Variants in ATE1 observed in about 807,000 individuals in gnomAD.
ATE1 encodes the protein arginyltransferase 1.
A neutral mutation model predicts 70.5 loss-of-function variants in ATE1; 36 were observed. The ratio of observed to expected loss-of-function variants is 0.51; its 90% CI spans 0.39 to 0.67. The LOEUF is 0.67. ATE1 is among the 30% of genes least tolerant of loss of function. The probability of loss-of-function intolerance (pLI) is 0.00; values close to 1 mark genes in which losing one functional copy is unlikely to be tolerated. For synonymous variants in ATE1, 232 were observed against 219.3 expected, an observed-to-expected ratio of 1.06 and a Z score of -0.51; for missense variants, 593 against 629.5, an observed-to-expected ratio of 0.94 and a Z score of 0.62.
At chr10:121,745,671 G>C (rs1944336899) in intron 11 of ATE1, among the ~76,000 whole-genome samples, 1 of 152,298 alleles carries the variant, frequency 6.6e-6, no homozygotes, top group East Asian at 1.9e-4. Context: ...AGTTTGCAGT[G>C]AGCCGAGATG....
At chr10:121,920,598 A>AG (rs1221813051) in intron 3 of ATE1, among the ~76,000 whole-genome samples, 1 of 152,164 alleles carries the variant, frequency 6.6e-6, no homozygotes, top group African/African-American at 2.4e-5. Flanking sequence ...TTTCTATGTT[A>AG]GGGTGAGGTG....
At chr10:121,765,725 G>T (rs1019587661) in intron 11 of ATE1, among the ~76,000 whole-genome samples, 1 of 152,184 alleles carries the variant, frequency 6.6e-6, no homozygotes, top group African/African-American at 2.4e-5. Flanking sequence ...AAATTAGACA[G>T]AATGACACTC....
At chr10:121,873,873 A>G (rs534453407) in intron 7 of ATE1, among the ~76,000 whole-genome samples, 92 of 152,274 alleles carry the variant, frequency 6.0e-4, no homozygotes, top group African/African-American at 2.1e-3. Context: ...CATTTTTTAC[A>G]AAGATAAATA....
chr10:121,798,594 T>A (rs1432616933), intron 10 of ATE1, among the ~76,000 whole-genome samples: 1 of 152,178 alleles, frequency 6.6e-6, no homozygotes, highest in African/African-American at 2.4e-5. Context: ...AATCTCACAA[T>A]AACTTTAAAA....
intron 7 of ATE1, among the ~76,000 whole-genome samples, chr10:121,897,224 C>G (rs777152665): frequency 3.3e-5 from 5 of 152,146 alleles, no homozygotes; most frequent in Non-Finnish European, 7.3e-5. Context: ...TCCCAGAGGC[C>G]TGAAGCCTAC....
intron 11 of ATE1, among the ~76,000 whole-genome samples, chr10:121,778,316 AC>A: frequency 6.6e-6 from 1 of 152,368 alleles, no homozygotes; most frequent in South Asian, 2.1e-4. Context: ...TAACAAAAAA[AC>A]AATGGAGTGC....
At chr10:121,807,983 C>T (rs950945152) in intron 10 of ATE1, among the ~76,000 whole-genome samples, 1 of 151,928 alleles carries the variant, frequency 6.6e-6, no homozygotes, top group African/African-American at 2.4e-5. Flanking sequence ...AAAAGTTTGC[C>T]GACTCTTACT....
At chr10:121,821,020 C>T (rs1421819610) in intron 10 of ATE1, among the ~76,000 whole-genome samples, 1 of 152,208 alleles carries the variant, frequency 6.6e-6, no homozygotes, top group African/African-American at 2.4e-5. Context: ...CGGCTCACTG[C>T]AACCTCCACC....
chr10:121,902,061 T>C (rs1188495038), intron 6 of ATE1, among the ~76,000 whole-genome samples: 2 of 152,180 alleles, frequency 1.3e-5, no homozygotes, highest in Non-Finnish European at 2.9e-5. Flanking sequence ...AAACCAAAAC[T>C]GCTAAAAACA....
intron 7 of ATE1, among the ~76,000 whole-genome samples, chr10:121,891,385 T>C (rs966406726): frequency 2.6e-5 from 4 of 152,118 alleles, no homozygotes; most frequent in Non-Finnish European, 4.4e-5. Context: ...TGCCGGCACA[T>C]GGTGGCGACA....
chr10:121,741,371 A>G lies in ATE1; in HGVS notation c.*2309T>C, dbSNP rs1480639391. ...ATGAATACAGCAGCCAAGTAGAAGGATCTCCAATGCTCAAGTCACTCTGAG... is the reference window on the plus strand; with the variant it reads ...ATGAATACAGCAGCCAAGTAGAAGGGTCTCCAATGCTCAAGTCACTCTGAG... On this transcript the variant is annotated 3_prime_UTR_variant, in exon 12 of 12. Coordinates refer to ENST00000224652, the MANE Select transcript of ATE1 (RefSeq NM_001001976.3). The G allele has an allele frequency of 6.6e-6, 1 of 152,210 alleles. No homozygotes were observed. The highest frequency in any genetic ancestry group is 1.9e-4 in the East Asian group (1 of 5,198). 9.4% of individuals were successfully genotyped at this position (152,210 alleles called of 1,614,324 possible).
chr10:121,836,080 C>A (rs1948421718), intron 10 of ATE1, among the ~76,000 whole-genome samples: 2 of 152,152 alleles, frequency 1.3e-5, no homozygotes, highest in Admixed American at 6.6e-5. Flanking sequence ...TCAGCACTTG[C>A]CCTTCCAAAT....
At chr10:121,766,658 G>T (rs1945290811) in intron 11 of ATE1, among the ~76,000 whole-genome samples, 1 of 151,952 alleles carries the variant, frequency 6.6e-6, no homozygotes, top group African/African-American at 2.4e-5. Context: ...CCAGGAAAGG[G>T]GCGGCCTACA....
intron 7 of ATE1, among the ~76,000 whole-genome samples, chr10:121,884,329 T>C (rs1950315681): frequency 1.3e-5 from 2 of 151,948 alleles, no homozygotes; most frequent in Admixed American, 1.3e-4. Flanking sequence ...GAGTTAAATG[T>C]TGGCTTGGCA....
chr10:121,888,794 C>A (rs1208100522), intron 7 of ATE1, among the ~76,000 whole-genome samples: 1 of 152,136 alleles, frequency 6.6e-6, no homozygotes, highest in Non-Finnish European at 1.5e-5. Flanking sequence ...CACTATACAG[C>A]GATGAGAGTT....
intron 8 of ATE1, among the ~76,000 whole-genome samples, chr10:121,849,510 T>G (rs1025524898): frequency 1.3e-5 from 2 of 152,198 alleles, no homozygotes; most frequent in African/African-American, 2.4e-5. Context: ...AGCTGGGGTC[T>G]TCCCCAAATG....
chr10:121,838,926 T>C (rs1020247168), intron 9 of ATE1, among the ~76,000 whole-genome samples: 3 of 152,220 alleles, frequency 2.0e-5, no homozygotes, highest in African/African-American at 7.2e-5. Flanking sequence ...ATATTGATTG[T>C]TGGATTGCTT....
chr10:121,880,079 CA>C (rs535447258), intron 7 of ATE1, among the ~76,000 whole-genome samples: 2,094 of 152,124 alleles, frequency 0.014, 41 homozygotes, highest in African/African-American at 0.048. Flanking sequence ...ACAATAAAGA[CA>C]AATTTGTTTT....
chr10:121,924,394 G>A, intron 1 of ATE1, 65 bp from the exon 2 acceptor site: 1 of 1,490,584 alleles, frequency 6.7e-7, no homozygotes, highest in Non-Finnish European at 9.4e-7. Context: ...AATTCAAAGT[G>A]TGAGGTTTAA....
Sources: allele counts gnomAD v4.1 joint callset (sites outside exome capture counted in the v4.1 genomes callset), GRCh38; gene constraint gnomAD v4.1.1; transcripts MANE v1.5; gene names NCBI Gene and HGNC (gene_info 2026-07-23, HGNC 2026-07-21).